MAF: variants seen among roughly 807,000 people sequenced by gnomAD.
The protein encoded by MAF is MAF bZIP transcription factor, also known as transcription factor Maf.
Under a neutral mutation model 22.0 loss-of-function variants are expected in MAF, and 10 were observed. That is an observed-to-expected ratio of 0.45 (90% CI 0.28 to 0.77). The LOEUF (loss-of-function observed/expected upper bound fraction) is 0.77, where lower values mean the gene tolerates loss of function less well. Ranked by LOEUF, MAF falls within the 30% of genes least tolerant of loss-of-function variation. MAF has a pLI of 0.12. For synonymous variants in MAF, 337 were observed against 255.8 expected, an observed-to-expected ratio of 1.32 and a Z score of -3.03; for missense variants, 544 against 548.4, an observed-to-expected ratio of 0.99 and a Z score of 0.08.
chr16:79,534,010 G>A, the MAF span, among the ~76,000 whole-genome samples: 2 of 152,134 alleles, frequency 1.3e-5, no homozygotes, highest in African/African-American at 2.4e-5. Flanking sequence ...AGGCCTCACT[G>A]TCCCCATACT....
chr16:79,574,502 G>A, the MAF span, among the ~76,000 whole-genome samples: 12 of 152,074 alleles, frequency 7.9e-5, no homozygotes, highest in African/African-American at 2.2e-4. Context: ...CCTCAAAATC[G>A]TCTATGCATC....
chr16:79,573,787 A>G, the MAF span, among the ~76,000 whole-genome samples: 1 of 152,262 alleles, frequency 6.6e-6, no homozygotes, highest in Non-Finnish European at 1.5e-5. Flanking sequence ...CAGGCTGTCC[A>G]GGAAAGGAAA....
chr16:79,520,103 T>A, the MAF span, among the ~76,000 whole-genome samples: 1 of 152,188 alleles, frequency 6.6e-6, no homozygotes, highest in African/African-American at 2.4e-5. Flanking sequence ...TCTTCTGAGT[T>A]CTGAATATGA....
the MAF span, among the ~76,000 whole-genome samples, chr16:79,361,756 C>T: frequency 2.0e-5 from 3 of 151,632 alleles, no homozygotes; most frequent in African/African-American, 7.3e-5. Context: ...GGTGCTGAAT[C>T]CCCCACAAGC....
the MAF span, among the ~76,000 whole-genome samples, chr16:79,349,642 G>T: frequency 7.2e-5 from 11 of 152,170 alleles, no homozygotes; most frequent in African/African-American, 2.7e-4. Context: ...CAGGAACCCA[G>T]AGGATCATGC....
At chr16:79,597,636 A>C (rs1913612631) in intron 1 of MAF, 1 of 1,022,082 alleles carries the variant, frequency 9.8e-7, no homozygotes, top group South Asian at 4.6e-5. Flanking sequence ...ATTTCATGGG[A>C]AGAAGGCTCT....
intron 1 of MAF, chr16:79,598,435 G>A (rs1913704017): frequency 2.2e-5 from 28 of 1,255,898 alleles, no homozygotes; most frequent in Non-Finnish European, 2.8e-5. Context: ...GTGCAAGTCC[G>A]GGGGTGGGGC....
At chr16:79,360,982 A>T in the MAF span, among the ~76,000 whole-genome samples, 1 of 152,136 alleles carries the variant, frequency 6.6e-6, no homozygotes, top group South Asian at 2.1e-4. Flanking sequence ...AAATTGGCAA[A>T]AGCTACGAAT....
chr16:79,528,344 T>C, the MAF span, among the ~76,000 whole-genome samples: 1 of 152,174 alleles, frequency 6.6e-6, no homozygotes, highest in Non-Finnish European at 1.5e-5. Flanking sequence ...GCCGAGCTCA[T>C]GTGGCTGGAT....
chr16:79,220,064 T>A, the MAF span, among the ~76,000 whole-genome samples: 1 of 152,090 alleles, frequency 6.6e-6, no homozygotes, highest in South Asian at 2.1e-4. Flanking sequence ...AAGACCAGCC[T>A]AGCCAACATG....
the MAF span, among the ~76,000 whole-genome samples, chr16:79,528,132 ACT>A: frequency 6.6e-6 from 1 of 151,990 alleles, no homozygotes; most frequent in Non-Finnish European, 1.5e-5. Flanking sequence ...ACAGAGCGTG[ACT>A]CTGTCTCAAA....
the MAF span, among the ~76,000 whole-genome samples, chr16:79,252,815 G>A: frequency 6.6e-6 from 1 of 152,068 alleles, no homozygotes. Context: ...GCCCCTGTGA[G>A]TTACTATCTG....
the MAF span, among the ~76,000 whole-genome samples, chr16:79,564,679 T>C: frequency 6.6e-6 from 1 of 152,164 alleles, no homozygotes; most frequent in East Asian, 1.9e-4. Context: ...AAAGTCAGGA[T>C]TTTATTCAGG....
chr16:79,363,340 T>C, the MAF span, among the ~76,000 whole-genome samples: 1 of 152,224 alleles, frequency 6.6e-6, no homozygotes, highest in Non-Finnish European at 1.5e-5. Flanking sequence ...GAGTCACAAA[T>C]ACATTTAATA....
chr16:79,260,824 A>G, the MAF span, among the ~76,000 whole-genome samples: 2 of 151,482 alleles, frequency 1.3e-5, no homozygotes, highest in Non-Finnish European at 2.9e-5. Context: ...GCTTAGAGTG[A>G]GGCCAAATTA....
the MAF span, among the ~76,000 whole-genome samples, chr16:79,406,186 G>A: frequency 3.3e-5 from 5 of 152,120 alleles, no homozygotes; most frequent in African/African-American, 7.2e-5. Context: ...CTACACGCCT[G>A]CAACTGCTTC....
At chr16:79,437,902 G>A in the MAF span, among the ~76,000 whole-genome samples, 2 of 152,090 alleles carry the variant, frequency 1.3e-5, no homozygotes, top group African/African-American at 4.8e-5. Flanking sequence ...TGGGACACAG[G>A]CCAGGCGGGA....
At chr16:79,423,580 C>G in the MAF span, among the ~76,000 whole-genome samples, 1 of 152,318 alleles carries the variant, frequency 6.6e-6, no homozygotes, top group East Asian at 1.9e-4. Context: ...GTCACACTCA[C>G]TGGTTCACAT....
the MAF span, among the ~76,000 whole-genome samples, chr16:79,222,854 C>A: frequency 2.0e-5 from 3 of 152,152 alleles, no homozygotes; most frequent in African/African-American, 7.2e-5. Flanking sequence ...TACCGGAGCA[C>A]CCAAACTCAT....
Sources: allele counts gnomAD v4.1 joint callset (sites outside exome capture counted in the v4.1 genomes callset), GRCh38; gene constraint gnomAD v4.1.1; transcripts MANE v1.5; gene names NCBI Gene and HGNC (gene_info 2026-07-23, HGNC 2026-07-21).